Variants in ACTR1A observed in about 807,000 individuals in gnomAD.
ACTR1A encodes alpha-centractin.
A neutral mutation model predicts 50.7 loss-of-function variants in ACTR1A; 10 were observed. The observed-to-expected ratio is 0.20, with a 90% confidence interval of 0.12 to 0.33. The LOEUF (loss-of-function observed/expected upper bound fraction) is 0.33, where lower values mean the gene tolerates loss of function less well. Among genes scored for constraint, ACTR1A ranks in the 10% least tolerant of loss-of-function variants. The probability of loss-of-function intolerance (pLI) is 1.00; values close to 1 mark genes in which losing one functional copy is unlikely to be tolerated. For missense variants in ACTR1A, 253 were observed against 491.7 expected, an observed-to-expected ratio of 0.51 and a Z score of 4.59; for synonymous variants, 177 against 184.2, an observed-to-expected ratio of 0.96 and a Z score of 0.32.
chr10:102,500,409 A>C (rs571103304), intron 1 of ACTR1A, among the ~76,000 whole-genome samples: 1 of 152,202 alleles, frequency 6.6e-6, no homozygotes, highest in Non-Finnish European at 1.5e-5. Flanking sequence ...CTCTACTAAA[A>C]ATACAAAAAA....
Position 102,482,273 on chromosome 10 carries a change from T to C in ACTR1A, c.751-98A>G, listed in dbSNP as rs374306793. 1 of 1,202,604 alleles carries C rather than the reference T, an allele frequency of 8.3e-7. No individual in the cohort carries two copies. Among genetic ancestry groups the C allele is most frequent in the Non-Finnish European group, 1.2e-6 (1 of 841,630 alleles). The allele number at this position is 1,202,604 out of a possible 1,614,324, so 74.5% of individuals were successfully genotyped here. On this transcript the variant is annotated intron_variant, in intron 7 of 10. Transcript: ENST00000369905. The surrounding 1 kb of genome is among the most constrained non-coding windows in gnomAD (Gnocchi z 5.6). ...GCCCCTCTGCACGTCACTTAGTAAC[T>C]GGGTGGCTATGAAGGCCAGGCTCAA...
intron 1 of ACTR1A, among the ~76,000 whole-genome samples, chr10:102,496,958 C>T (rs1378443850): frequency 2.0e-5 from 3 of 151,744 alleles, no homozygotes; most frequent in Non-Finnish European, 4.4e-5. Context: ...GCGGGTGGAT[C>T]CTTTGAGGCC....
intron 1 of ACTR1A, among the ~76,000 whole-genome samples, chr10:102,496,074 T>C (rs982544944): frequency 1.3e-5 from 2 of 152,208 alleles, no homozygotes; most frequent in Non-Finnish European, 2.9e-5. Flanking sequence ...GCCTCCTGCA[T>C]AGCTGGGACT....
intron 2 of ACTR1A, 106 bp from the exon 3 acceptor site, chr10:102,489,244 A>G (rs1001172987): frequency 1.4e-6 from 1 of 702,926 alleles, no homozygotes; most frequent in Middle Eastern, 2.9e-4. Context: ...ATTATCTTCA[A>G]GGAGTGAAGT....
chr10:102,489,790 G>T (rs1013336036), intron 2 of ACTR1A, among the ~76,000 whole-genome samples: 4 of 152,178 alleles, frequency 2.6e-5, no homozygotes, highest in African/African-American at 9.7e-5. Flanking sequence ...CTCCAGCCTG[G>T]GCTACAGAAT....
rs1311610644 is a variant in ACTR1A at position 102,480,645 on chromosome 10, A to G, written c.*218T>C. The G allele has an allele frequency of 1.7e-6, 1 of 577,276 alleles. No individual in the cohort carries two copies. Among genetic ancestry groups the G allele is most frequent in the East Asian group, 2.9e-5 (1 of 34,732 alleles). 35.8% of individuals were successfully genotyped at this position (577,276 alleles called of 1,614,324 possible). ...CGCTCTTCCCTGTCAGGAGCCAGTTAGTGGTCAACCCCAGGCCTCAGGCCA... is the reference window on the plus strand; with the variant it reads ...CGCTCTTCCCTGTCAGGAGCCAGTTGGTGGTCAACCCCAGGCCTCAGGCCA... On this transcript the variant is annotated 3_prime_UTR_variant, in exon 11 of 11. Coordinates refer to ENST00000369905, the MANE Select transcript of ACTR1A (RefSeq NM_005736.4).
At position 102,488,478 on chromosome 10, in the gene ACTR1A, C is replaced by T. The variant is rs1399327490; in HGVS notation, c.190-203G>A. ...GTTTGCTGCAAACTGCCCTCATTCC[C>T]GAGGAGCCGGCAAAGCAGGGGCTTC... On this transcript the variant is annotated intron_variant, in intron 3 of 10. Transcript: ENST00000369905. The surrounding 1 kb of genome is among the most constrained non-coding windows in gnomAD (Gnocchi z 4.4). 3.3e-5 allele frequency among the ~76,000 whole-genome samples: 5 copies of T among 152,212 alleles called. No individual in the cohort carries two copies. Among genetic ancestry groups the T allele is most frequent in the African/African-American group, 9.7e-5 (4 of 41,440 alleles).
chr10:102,488,549 G>A lies in ACTR1A; in HGVS notation c.190-274C>T, dbSNP rs2062179359. ...GGTGCCTCTAGGGCAAGTGGCAGGA[G>A]GCATCTTCCTCATTGCCTGGTTCCA... On this transcript the variant is annotated intron_variant, in intron 3 of 10. Coordinates refer to ENST00000369905, the MANE Select transcript of ACTR1A (RefSeq NM_005736.4). The surrounding 1 kb of genome is among the most constrained non-coding windows in gnomAD (Gnocchi z 4.4). Among the ~76,000 whole-genome samples, 1 of 152,190 alleles carries A rather than the reference G, an allele frequency of 6.6e-6. No homozygotes were observed. The highest frequency in any genetic ancestry group is 2.4e-5 in the African/African-American group (1 of 41,448).
intron 1 of ACTR1A, among the ~76,000 whole-genome samples, chr10:102,494,684 G>A (rs959626342): frequency 1.3e-5 from 2 of 152,122 alleles, no homozygotes; most frequent in African/African-American, 4.8e-5. Flanking sequence ...GGCTGGGTGC[G>A]GTGGCCCACG....
chr10:102,480,733 G>A lies in ACTR1A; in HGVS notation c.*130C>T, dbSNP rs937038200. On this transcript the variant is annotated 3_prime_UTR_variant, in exon 11 of 11. Coordinates refer to ENST00000369905, the MANE Select transcript of ACTR1A (RefSeq NM_005736.4). ...AGGGTCCCAGGGCCACACGGCACTC[G>A]CATGTGCACACACACTCATATCCAC... The A allele has an allele frequency of 1.3e-5, 10 of 783,578 alleles. No individual in the cohort carries two copies. Among genetic ancestry groups the A allele is most frequent in the East Asian group, 4.9e-5 (2 of 40,564 alleles). The allele number at this position is 783,578 out of a possible 1,614,324, so 48.5% of individuals were successfully genotyped here.
At chr10:102,496,576 T>G (rs2062223644) in intron 1 of ACTR1A, among the ~76,000 whole-genome samples, 1 of 152,212 alleles carries the variant, frequency 6.6e-6, no homozygotes, top group Non-Finnish European at 1.5e-5. Flanking sequence ...ATAAGTCACC[T>G]CTTCTTCACC....
Position 102,488,996 on chromosome 10 carries a change from G to C in ACTR1A, c.189+67C>G. On this transcript the variant is annotated intron_variant, in intron 3 of 10. Transcript: ENST00000369905. The surrounding 1 kb of genome is among the most constrained non-coding windows in gnomAD (Gnocchi z 4.4). ...TGGGTATGTCCAAATGTTGGGACAT[G>C]TTCCATGTGGTGAATAATGAAGGTC... 2 of 1,238,092 alleles carry C rather than the reference G, an allele frequency of 1.6e-6. No homozygotes were observed. The highest frequency in any genetic ancestry group is 3.6e-5 in the South Asian group (2 of 55,734). 76.7% of individuals were successfully genotyped at this position (1,238,092 alleles called of 1,614,324 possible). A position where few individuals can be genotyped will look rare whatever the true frequency, so the allele number is the denominator to read the frequency against.
At chr10:102,494,651 C>A (rs1301382711) in intron 1 of ACTR1A, among the ~76,000 whole-genome samples, 4 of 151,566 alleles carry the variant, frequency 2.6e-5, no homozygotes, top group African/African-American at 7.3e-5. Context: ...AACCAACCAA[C>A]CAACCAAACA....
At chr10:102,499,043 C>G (rs891280729) in intron 1 of ACTR1A, among the ~76,000 whole-genome samples, 1 of 152,086 alleles carries the variant, frequency 6.6e-6, no homozygotes, top group Non-Finnish European at 1.5e-5. Flanking sequence ...TGACTTGATG[C>G]CAGAGTAAGA....
At position 102,484,386 on chromosome 10, in the gene ACTR1A, A is replaced by T. The variant is rs552288718; in HGVS notation, c.441-10T>A. 1.9e-5 allele frequency: 30 copies of T among 1,610,764 alleles called. No individual in the cohort carries two copies. The highest frequency in any genetic ancestry group is 1.1e-5 in the Non-Finnish European group (13 of 1,177,246). On this transcript the variant is annotated splice_polypyrimidine_tract_variant and intron_variant, in intron 5 of 10. Coordinates refer to ENST00000369905, the MANE Select transcript of ACTR1A (RefSeq NM_005736.4). ...CCTGCCTGTAGCGTAACTGAAGCAA[A>T]GGGGCAAACCGTCACTCAGCACTGC... is the stretch of plus-strand genomic sequence containing the variant.
rs968687001 is a variant in ACTR1A at position 102,497,171 on chromosome 10, GAAAAA to G, written c.48+5424_48+5428del. Among the ~76,000 whole-genome samples the G allele has an allele frequency of 7.2e-5, 5 of 69,770 alleles. No individual in the cohort carries two copies. The Admixed American group carries it at 8.4e-4, about 12-fold the overall frequency. 45.8% of individuals were successfully genotyped at this position (69,770 alleles called of 152,430 possible). ...GGCCACACAGCAGACTCCATCTCAG[GAAAAA>G]AAAAAAAAAAAAAAAAAGAATGTGG... On this transcript the variant is annotated intron_variant, in intron 1 of 10. Transcript: ENST00000369905.
At chr10:102,501,549 T>TC (rs1047398183) in intron 1 of ACTR1A, among the ~76,000 whole-genome samples, 1 of 152,130 alleles carries the variant, frequency 6.6e-6, no homozygotes, top group Non-Finnish European at 1.5e-5. Flanking sequence ...TTTTCTCCTT[T>TC]CCCCCCAAAA....
chr10:102,497,399 C>G (rs1422641751), intron 1 of ACTR1A, among the ~76,000 whole-genome samples: 1 of 152,012 alleles, frequency 6.6e-6, no homozygotes, highest in Non-Finnish European at 1.5e-5. Context: ...ACTCCCCTGC[C>G]AAACTTAAAA....
intron 2 of ACTR1A, among the ~76,000 whole-genome samples, chr10:102,490,206 C>T (rs2062185435): frequency 7.2e-6 from 1 of 139,768 alleles, no homozygotes; most frequent in African/African-American, 2.7e-5. Flanking sequence ...GCACTCCAGC[C>T]TGGGCAACAC....
Sources: gnomAD v4.1 joint callset for allele counts (sites outside exome capture counted in the v4.1 genomes callset) on GRCh38, gnomAD v4.1.1 for gene constraint, Gnocchi (gnomAD v3.1) non-coding constraint, MANE v1.5 for transcripts, NCBI Gene and HGNC (gene_info 2026-07-23, HGNC 2026-07-21) for gene names.